Variants in STK38L observed in about 807,000 individuals in gnomAD.
STK38L encodes serine/threonine kinase 38 like, also known as serine/threonine-protein kinase 38-like.
In STK38L, 28 loss-of-function variants were observed where a neutral mutation model predicts 59.7. The ratio of observed to expected loss-of-function variants is 0.47; its 90% CI spans 0.35 to 0.64. The LOEUF (loss-of-function observed/expected upper bound fraction) is 0.64, where lower values mean the gene tolerates loss of function less well. Among genes scored for constraint, STK38L ranks in the 30% least tolerant of loss-of-function variants. The pLI, the probability that STK38L is intolerant of heterozygous loss-of-function variation, is 0.01. For synonymous variants in STK38L, 162 were observed against 176.8 expected, an observed-to-expected ratio of 0.92 and a Z score of 0.66; for missense variants, 314 against 555.8, an observed-to-expected ratio of 0.56 and a Z score of 4.37.
At chr12:27,314,332 C>T (rs767833309) in intron 6 of STK38L, among the ~76,000 whole-genome samples, 172 bp from the exon 7 acceptor site, 6 of 144,132 alleles carry the variant, frequency 4.2e-5, no homozygotes, top group Middle Eastern at 3.8e-3. Context: ...ACCCAGGAGG[C>T]GGAGGTTGCA....
chr12:27,315,555 T>C (rs1003422144), intron 9 of STK38L, among the ~76,000 whole-genome samples: 1 of 152,232 alleles, frequency 6.6e-6, no homozygotes, highest in African/African-American at 2.4e-5. Context: ...TTTGTAACTT[T>C]AGAGTAGTTT....
chr12:27,249,684 A>G (rs1304514032), intron 1 of STK38L, among the ~76,000 whole-genome samples: 1 of 152,142 alleles, frequency 6.6e-6, no homozygotes, highest in East Asian at 1.9e-4. Context: ...CTTCCCCTTA[A>G]TTAACACCAG....
Position 27,323,248 on chromosome 12 carries a change from A to T in STK38L, c.*793A>T, listed in dbSNP as rs1239407730. 1 of 152,132 alleles carries T rather than the reference A, an allele frequency of 6.6e-6. No homozygotes were observed. Among genetic ancestry groups the T allele is most frequent in the Non-Finnish European group, 1.5e-5 (1 of 67,992 alleles). 9.4% of individuals were successfully genotyped at this position (152,132 alleles called of 1,614,324 possible). Reference sequence around the variant, plus strand: ...AAAGTTGATTTTCTTGTGACAAGAGAACTTCTTTTTTTAACAAGAGGACAT... The same window carrying T: ...AAAGTTGATTTTCTTGTGACAAGAGTACTTCTTTTTTTAACAAGAGGACAT... On this transcript the variant is annotated 3_prime_UTR_variant, in exon 14 of 14. Coordinates refer to ENST00000389032, the MANE Select transcript of STK38L (RefSeq NM_015000.4).
At chr12:27,253,136 T>C (rs991910489) in intron 1 of STK38L, among the ~76,000 whole-genome samples, 6 of 152,174 alleles carry the variant, frequency 3.9e-5, no homozygotes, top group African/African-American at 1.4e-4. Context: ...TTAGCATAAA[T>C]TGGGTGTATC....
At chr12:27,282,997 TG>T (rs1339367642) in intron 1 of STK38L, among the ~76,000 whole-genome samples, 1 of 152,186 alleles carries the variant, frequency 6.6e-6, no homozygotes, top group African/African-American at 2.4e-5. Context: ...GAGTGACACA[TG>T]GTTTCTAAGG....
chr12:27,301,256 T>A (rs1175889931), intron 2 of STK38L, among the ~76,000 whole-genome samples: 3 of 152,150 alleles, frequency 2.0e-5, no homozygotes, highest in South Asian at 2.1e-4. Flanking sequence ...AGTGGGTTTT[T>A]AAAAAATATT....
chr12:27,303,893 AAAGC>A (rs1944241648), intron 3 of STK38L, among the ~76,000 whole-genome samples: 1 of 152,176 alleles, frequency 6.6e-6, no homozygotes, highest in Admixed American at 6.5e-5. Context: ...CACACCATGG[AAAGC>A]TAGGTTTAGA....
chr12:27,266,650 T>C lies in STK38L; in HGVS notation c.-12+22318T>C, dbSNP rs1164281103. Among the ~76,000 whole-genome samples, 6 of 152,230 alleles carry C rather than the reference T, an allele frequency of 3.9e-5. No individual in the cohort carries two copies. The East Asian group carries it at 1.2e-3, about 29-fold the overall frequency. ...GGTTTGATCCCACTTGTCCAGGATT[T>C]AGGTCAGCTACTGAAGATTAGGATA... On this transcript the variant is annotated intron_variant, in intron 1 of 13. Transcript: ENST00000389032.
chr12:27,270,309 G>A (rs1943396810), intron 1 of STK38L, among the ~76,000 whole-genome samples: 2 of 152,082 alleles, frequency 1.3e-5, no homozygotes, highest in South Asian at 4.1e-4. Context: ...CCAGGCCCAG[G>A]CGATCCTCCC....
At chr12:27,274,651 A>G (rs940446022) in intron 1 of STK38L, among the ~76,000 whole-genome samples, 2 of 152,244 alleles carry the variant, frequency 1.3e-5, no homozygotes, top group African/African-American at 2.4e-5. Context: ...CTTGAAGCAC[A>G]TAAGCCGTTC....
At chr12:27,294,830 C>A (rs1295599293) in intron 1 of STK38L, among the ~76,000 whole-genome samples, 1 of 151,502 alleles carries the variant, frequency 6.6e-6, no homozygotes, top group Non-Finnish European at 1.5e-5. Context: ...CCTGCCTCAT[C>A]CTCCAGAGTA....
chr12:27,267,388 T>A (rs545976314), intron 1 of STK38L, among the ~76,000 whole-genome samples: 1 of 152,234 alleles, frequency 6.6e-6, no homozygotes, highest in African/African-American at 2.4e-5. Flanking sequence ...GGAGACCAGC[T>A]TGTTCAATAA....
chr12:27,252,677 C>T lies in STK38L; in HGVS notation c.-12+8345C>T, dbSNP rs117692080. 3.7e-4 allele frequency among the ~76,000 whole-genome samples: 56 copies of T among 152,224 alleles called. No individual in the cohort carries two copies. The East Asian group carries it at 8.3e-3, about 23-fold the overall frequency. ...CTGGTTGAGGATGTTCTCCATATGT[C>T]GACTCTTATCTAGACAAACAGAATA... On this transcript the variant is annotated intron_variant, in intron 1 of 13. Coordinates refer to ENST00000389032, the MANE Select transcript of STK38L (RefSeq NM_015000.4).
intron 1 of STK38L, among the ~76,000 whole-genome samples, chr12:27,274,373 A>G (rs1471898174): frequency 6.6e-6 from 1 of 152,168 alleles, no homozygotes; most frequent in African/African-American, 2.4e-5. Flanking sequence ...TATCCTCTCC[A>G]TTATTTTGAG....
At chr12:27,282,530 G>GT (rs35322772) in intron 1 of STK38L, among the ~76,000 whole-genome samples, 7,652 of 149,412 alleles carry the variant, frequency 0.051, 553 homozygotes, top group East Asian at 0.39. Flanking sequence ...CAAAACTAAA[G>GT]TTTTTTTTTT....
At chr12:27,273,924 A>G (rs949507158) in intron 1 of STK38L, among the ~76,000 whole-genome samples, 1 of 152,092 alleles carries the variant, frequency 6.6e-6, no homozygotes, top group Non-Finnish European at 1.5e-5. Flanking sequence ...GGCACTGAGG[A>G]CTGACTGATT....
intron 1 of STK38L, among the ~76,000 whole-genome samples, chr12:27,283,196 C>T (rs2136627813): frequency 6.6e-6 from 1 of 152,232 alleles, no homozygotes; most frequent in African/African-American, 2.4e-5. Flanking sequence ...TACACAATAG[C>T]TTATTTGTAT....
intron 12 of STK38L, among the ~76,000 whole-genome samples, chr12:27,320,866 C>G (rs1944712766): frequency 6.6e-6 from 1 of 151,082 alleles, no homozygotes; most frequent in Admixed American, 6.6e-5. Context: ...ACTGCAAGCT[C>G]CACCTCCCGG....
At chr12:27,301,314 A>G (rs1383989520) in intron 2 of STK38L, among the ~76,000 whole-genome samples, 1 of 152,242 alleles carries the variant, frequency 6.6e-6, no homozygotes, top group African/African-American at 2.4e-5. Flanking sequence ...GCTGGAGTGC[A>G]GTGGCACGAT....
Sources: allele counts gnomAD v4.1 joint callset (sites outside exome capture counted in the v4.1 genomes callset), GRCh38; gene constraint gnomAD v4.1.1; transcripts MANE v1.5; gene names NCBI Gene and HGNC (gene_info 2026-07-23, HGNC 2026-07-21).